The following PRKG2 variants were observed in gnomAD, a reference collection of about 807,000 sequenced individuals.
PRKG2 encodes cGMP-dependent protein kinase 2.
PRKG2 carries 33 observed loss-of-function variants against 97.2 expected under a neutral mutation model. That is an observed-to-expected ratio of 0.34 (90% CI 0.26 to 0.45). The LOEUF is 0.45. Among genes scored for constraint, PRKG2 ranks in the 20% least tolerant of loss-of-function variants. The pLI, the probability that PRKG2 is intolerant of heterozygous loss-of-function variation, is 1.00. For synonymous variants in PRKG2, 330 were observed against 321.8 expected, an observed-to-expected ratio of 1.03 and a Z score of -0.27; for missense variants, 638 against 900.0, an observed-to-expected ratio of 0.71 and a Z score of 3.73.
chr4:81,210,533 T>A (rs557498457), intron 1 of PRKG2, among the ~76,000 whole-genome samples: 178 of 152,176 alleles, frequency 1.2e-3, no homozygotes, highest in Middle Eastern at 6.8e-3. Flanking sequence ...ATGACTACAA[T>A]CCAAGACACT....
chr4:81,144,338 G>A lies in PRKG2; in HGVS notation c.1155-8C>T. 1.3e-6 allele frequency: 2 copies of A among 1,592,516 alleles called. No homozygotes were observed. The highest frequency in any genetic ancestry group is 2.2e-5 in the East Asian group (1 of 44,718). ...ACAGTTTGGTTGAATGTTCTAAATA[G>A]ATAGAATAAAGTAAAATGCTCCGTG... On this transcript the variant is annotated splice_polypyrimidine_tract_variant and splice_region_variant and intron_variant, in intron 9 of 18. Coordinates refer to ENST00000264399, the MANE Select transcript of PRKG2 (RefSeq NM_006259.3).
chr4:81,211,910 T>A (rs577868270), intron 1 of PRKG2, among the ~76,000 whole-genome samples: 1 of 152,196 alleles, frequency 6.6e-6, no homozygotes, highest in Non-Finnish European at 1.5e-5. Flanking sequence ...GAGTGAATTA[T>A]ACAGACTTCT....
intron 1 of PRKG2, among the ~76,000 whole-genome samples, chr4:81,212,753 T>C (rs1754045867): frequency 6.6e-6 from 1 of 152,116 alleles, no homozygotes; most frequent in Admixed American, 6.5e-5. Flanking sequence ...GCCCAGGATA[T>C]TAGCGATGAG....
At chr4:81,184,223 G>A (rs931307222) in intron 2 of PRKG2, among the ~76,000 whole-genome samples, 25 of 152,138 alleles carry the variant, frequency 1.6e-4, no homozygotes, top group African/African-American at 5.6e-4. Context: ...AGCAGGGGTC[G>A]ACAGACACCT....
intron 2 of PRKG2, among the ~76,000 whole-genome samples, chr4:81,196,023 G>C (rs1752938205): frequency 6.6e-6 from 1 of 152,138 alleles, no homozygotes; most frequent in Non-Finnish European, 1.5e-5. Flanking sequence ...CTTCATCTTA[G>C]TTAACTGTAA....
intron 14 of PRKG2, among the ~76,000 whole-genome samples, chr4:81,114,183 T>G (rs1578361901): frequency 6.6e-6 from 1 of 152,244 alleles, no homozygotes; most frequent in African/African-American, 2.4e-5. Context: ...CTGTAACACT[T>G]TTTATATTCC....
In PRKG2 at chr4:81,147,105, C is replaced by T. The variant is rs1186013925; in HGVS notation, c.1154+1779G>A. On this transcript the variant is annotated intron_variant, in intron 9 of 18. Transcript: ENST00000264399. ...AGACTCTAAATTATACACACATGAA[C>T]TAAACATTTTAAAATTATAAACTGG... Among the ~76,000 whole-genome samples the T allele has an allele frequency of 3.3e-5, 5 of 152,172 alleles. No homozygotes were observed. In the East Asian group the frequency reaches 9.6e-4, roughly 29 times the overall value.
chr4:81,152,026 T>C lies in PRKG2; in HGVS notation c.1019A>G (p.His340Arg), dbSNP rs149280984. 6.1e-5 allele frequency: 99 copies of C among 1,613,066 alleles called. No homozygotes were observed. The highest frequency in any genetic ancestry group is 1.6e-5 in the Non-Finnish European group (19 of 1,179,448). Reference sequence around the variant, plus strand: ...TGTTTTTATCAGCTGTGGTTGATCATGGCCTTCTGTGCTCTGTGTTACTTT... The same window carrying C: ...TGTTTTTATCAGCTGTGGTTGATCACGGCCTTCTGTGCTCTGTGTTACTTT... ...KVKVTQSTEG[H>R]DQPQLIKTLQ... The change falls in exon 8 of 19, where the codon CAT (histidine) becomes CGT (arginine). Residue 340 changes from histidine to arginine, a missense_variant. Around this residue, in one of 3 missense-constraint regions of PRKG2, gnomAD observed 332 missense variants for 421.7 expected, o/e 0.79. Coordinates refer to ENST00000264399, the MANE Select transcript of PRKG2 (RefSeq NM_006259.3).
intron 6 of PRKG2, 61 bp downstream of exon 6, chr4:81,167,100 T>G: frequency 1.8e-6 from 2 of 1,117,200 alleles, no homozygotes; most frequent in Non-Finnish European, 2.6e-6. Flanking sequence ...ATGGTGTTAA[T>G]AATATAAGTA....
chr4:81,173,470 C>G (rs1476868221), intron 3 of PRKG2, among the ~76,000 whole-genome samples: 1 of 152,094 alleles, frequency 6.6e-6, no homozygotes, highest in Non-Finnish European at 1.5e-5. Flanking sequence ...CCTATCTTCT[C>G]TTGCTGCAAT....
chr4:81,144,414 G>A (rs1747600426), intron 9 of PRKG2, 84 bp from the exon 10 acceptor site: 3 of 1,037,630 alleles, frequency 2.9e-6, no homozygotes. Context: ...TAAAACACAA[G>A]CTGGTTATTC....
chr4:81,092,325 T>A (rs1741622421), intron 18 of PRKG2, 61 bp downstream of exon 18: 1 of 1,172,414 alleles, frequency 8.5e-7, no homozygotes, highest in Non-Finnish European at 1.2e-6. Flanking sequence ...ACATCTAAAA[T>A]CTGTGTACAA....
intron 9 of PRKG2, 63 bp downstream of exon 9, chr4:81,148,821 T>C: frequency 1.4e-6 from 2 of 1,418,100 alleles, no homozygotes; most frequent in Non-Finnish European, 2.0e-6. Flanking sequence ...GGCCTTGAAG[T>C]AACAGAAGGC....
At chr4:81,158,598 T>C (rs1749319805) in intron 6 of PRKG2, among the ~76,000 whole-genome samples, 1 of 152,058 alleles carries the variant, frequency 6.6e-6, no homozygotes, top group South Asian at 2.1e-4. Context: ...AAAAAACTAC[T>C]TTAAACTTCA....
intron 14 of PRKG2, among the ~76,000 whole-genome samples, chr4:81,115,827 C>T (rs1357041942): frequency 6.6e-6 from 1 of 152,156 alleles, no homozygotes; most frequent in Non-Finnish European, 1.5e-5. Flanking sequence ...GTCTTTTAAA[C>T]ATCTTTCCAT....
intron 14 of PRKG2, among the ~76,000 whole-genome samples, chr4:81,133,798 T>C (rs1746393030): frequency 6.6e-6 from 1 of 151,948 alleles, no homozygotes. Flanking sequence ...TGAAATATGT[T>C]TTTTTTAAAA....
chr4:81,162,543 T>C (rs898692578), intron 6 of PRKG2, among the ~76,000 whole-genome samples: 2 of 152,160 alleles, frequency 1.3e-5, no homozygotes, highest in African/African-American at 4.8e-5. Context: ...GTGGAGCCAA[T>C]TGGGACTATC....
At chr4:81,165,537 A>C (rs17005070) in intron 6 of PRKG2, among the ~76,000 whole-genome samples, 1,733 of 152,062 alleles carry the variant, frequency 0.011, 32 homozygotes, top group African/African-American at 0.039. Context: ...AATCACATGC[A>C]TTTCTTAGCG....
chr4:81,102,433 G>A (rs570028029), intron 17 of PRKG2, among the ~76,000 whole-genome samples: 1 of 152,200 alleles, frequency 6.6e-6, no homozygotes, highest in Non-Finnish European at 1.5e-5. Context: ...CAGAGCACTT[G>A]TTTCCTCAAT....
Sources: allele counts gnomAD v4.1 joint callset (sites outside exome capture counted in the v4.1 genomes callset), GRCh38; gene constraint gnomAD v4.1.1; regional missense constraint gnomAD v4.1.1; transcripts MANE v1.5; gene names NCBI Gene and HGNC (gene_info 2026-07-23, HGNC 2026-07-21).